The following TTLL7 variants were observed in gnomAD, a reference collection of about 807,000 sequenced individuals.
TTLL7 encodes tubulin tyrosine ligase like 7.
In TTLL7, 53 loss-of-function variants were observed where a neutral mutation model predicts 120.2. The observed-to-expected ratio is 0.44, with a 90% CI of 0.35 to 0.55. TTLL7 has a LOEUF of 0.55. Ranked by LOEUF, TTLL7 falls within the 20% of genes least tolerant of loss-of-function variation. The probability of loss-of-function intolerance (pLI) is 0.00; values close to 1 mark genes in which losing one functional copy is unlikely to be tolerated. For missense variants in TTLL7, 803 were observed against 1,054.7 expected (o/e 0.76, Z 3.31); for synonymous variants, 353 against 351.7 (o/e 1.00, Z -0.04).
In TTLL7 at chr1:83,867,047, C is replaced by A. The variant is rs367948301; in HGVS notation, c.*2915G>T. On this transcript the variant is annotated 3_prime_UTR_variant, in exon 21 of 21. Coordinates refer to ENST00000260505, the MANE Select transcript of TTLL7 (RefSeq NM_024686.6). ...AAAATATGCTTTCATTGTAAGTAAA[C>A]CCAGTTCCCCTATTAAAAACCTCTG... is the stretch of plus-strand genomic sequence containing the variant. 68 of 151,978 alleles carry A rather than the reference C, an allele frequency of 4.5e-4. No individual in the cohort carries two copies. Among genetic ancestry groups the A allele is most frequent in the African/African-American group, 1.5e-3 (64 of 41,498 alleles). The allele number at this position is 151,978 out of a possible 1,614,324, so 9.4% of individuals were successfully genotyped here.
intron 17 of TTLL7, 37 bp downstream of exon 17, chr1:83,906,291 AC>A (rs1244792781): frequency 2.6e-6 from 4 of 1,529,946 alleles, no homozygotes; most frequent in Non-Finnish European, 3.6e-6. Flanking sequence ...ATAAAAAGGT[AC>A]CAGCTCCTTG....
rs1307100415 is a variant in TTLL7, at chr1:83,866,735, AT to A, written c.*3226del. ...TTTTTACATATTTAAGGTAAATGCA[AT>A]GCTACTAAAATAAAAATTTGTTGCT... On this transcript the variant is annotated 3_prime_UTR_variant, in exon 21 of 21. Transcript: ENST00000260505. 1 of 151,950 alleles carries A rather than the reference AT, an allele frequency of 6.6e-6. No homozygotes were observed. Among genetic ancestry groups the A allele is most frequent in the East Asian group, 1.9e-4 (1 of 5,198 alleles). 9.4% of individuals were successfully genotyped at this position (151,950 alleles called of 1,614,324 possible). A position where few individuals can be genotyped will look rare whatever the true frequency, so the allele number is the denominator to read the frequency against.
chr1:83,984,772 G>GATTACTAT (rs1194417124), intron 1 of TTLL7, among the ~76,000 whole-genome samples: 1 of 152,052 alleles, frequency 6.6e-6, no homozygotes, highest in Non-Finnish European at 1.5e-5. Context: ...GGGACTACTA[G>GATTACTAT]AGAGGGGAGA....
intron 15 of TTLL7, among the ~76,000 whole-genome samples, chr1:83,909,983 A>G (rs1657537593): frequency 6.6e-6 from 1 of 152,206 alleles, no homozygotes; most frequent in Non-Finnish European, 1.5e-5. Flanking sequence ...AATAGCTTAC[A>G]AACTGTGTAA....
intron 15 of TTLL7, among the ~76,000 whole-genome samples, chr1:83,908,562 C>T (rs1247522570): frequency 6.6e-6 from 1 of 151,930 alleles, no homozygotes; most frequent in African/African-American, 2.4e-5. Context: ...AAAATATCTT[C>T]CCCAATGCAT....
intron 17 of TTLL7, 116 bp from the exon 18 acceptor site, chr1:83,904,275 A>C: frequency 1.4e-6 from 1 of 701,096 alleles, no homozygotes; most frequent in Non-Finnish European, 2.4e-6. Context: ...CTTTCATAAA[A>C]ACACATGTGC....
rs1658306765 is a variant in TTLL7 at position 83,917,700 on chromosome 1, AT to A, written c.1501-11del. ...CCAAAATATCTTCTTCCTTCAAAAA[AT>A]ATTCTAATTAAAATTACAACCACTA... On this transcript the variant is annotated splice_polypyrimidine_tract_variant and intron_variant, in intron 13 of 20. Transcript: ENST00000260505. 6.3e-7 allele frequency: 1 copy of A among 1,589,668 alleles called. No homozygotes were observed. The highest frequency in any genetic ancestry group is 8.6e-7 in the Non-Finnish European group (1 of 1,159,068).
intron 18 of TTLL7, among the ~76,000 whole-genome samples, chr1:83,894,859 C>T (rs1656077363): frequency 6.6e-6 from 1 of 152,030 alleles, no homozygotes. Flanking sequence ...TCTTTGCTTT[C>T]AGTTTTCAAG....
chr1:83,926,663 C>CA (rs1659159113), intron 10 of TTLL7, among the ~76,000 whole-genome samples: 1 of 152,158 alleles, frequency 6.6e-6, no homozygotes, highest in African/African-American at 2.4e-5. Flanking sequence ...GCTAAATGTT[C>CA]AATGGTAGGG....
intron 1 of TTLL7, among the ~76,000 whole-genome samples, chr1:83,957,178 C>A (rs950283263): frequency 1.3e-5 from 2 of 151,916 alleles, no homozygotes; most frequent in Non-Finnish European, 2.9e-5. Context: ...AAATGGCAAC[C>A]AATGAAGATA....
In TTLL7 at chr1:83,921,093, T is replaced by A; in HGVS notation, c.1358A>T (p.Asn453Ile). ...REEHENRHMG[N>I]YRRIYPPEDK... is the part of the protein sequence containing the mutation. ...AAAATAGCAGCACAGTTACCTATAA[T>A]TCCCCATATGTCGATTTTCATGTTC... The change falls in exon 12 of 21, where the codon AAT (asparagine) becomes ATT (isoleucine). Residue 453 changes from asparagine to isoleucine, a missense_variant. Around this residue, in one of 3 missense-constraint regions of TTLL7, gnomAD observed 324 missense variants for 507.7 expected, o/e 0.64. Coordinates refer to ENST00000260505, the MANE Select transcript of TTLL7 (RefSeq NM_024686.6). 3 of 1,612,412 alleles carry A rather than the reference T, an allele frequency of 1.9e-6. No homozygotes were observed. Among genetic ancestry groups the A allele is most frequent in the Non-Finnish European group, 1.7e-6 (2 of 1,179,364 alleles).
chr1:83,967,763 A>G (rs1650605835), intron 1 of TTLL7, among the ~76,000 whole-genome samples: 2 of 152,058 alleles, frequency 1.3e-5, no homozygotes, highest in South Asian at 4.1e-4. Flanking sequence ...CCCTCACTCA[A>G]AATATAACTT....
chr1:83,923,879 G>A (rs1200149318), intron 10 of TTLL7, among the ~76,000 whole-genome samples: 1 of 152,064 alleles, frequency 6.6e-6, no homozygotes, highest in Non-Finnish European at 1.5e-5. Context: ...ACTTTCTTGA[G>A]TCTTTTCCAC....
chr1:83,881,139 T>C lies in TTLL7; in HGVS notation c.2543+1824A>G, dbSNP rs1357425032. On this transcript the variant is annotated intron_variant, in intron 20 of 20. Coordinates refer to ENST00000260505, the MANE Select transcript of TTLL7 (RefSeq NM_024686.6). The stretch of plus-strand genomic sequence containing the variant: ...GTTAGACCTAAAACCATAAAAACCC[T>C]AGAAGAAAACCTAGGCAATACCATT... Among the ~76,000 whole-genome samples the C allele has an allele frequency of 6.0e-5, 9 of 151,134 alleles. No homozygotes were observed. The South Asian group carries it at 8.3e-4, about 14-fold the overall frequency.
In TTLL7 at chr1:83,933,904, C is replaced by T. The variant is rs184266674; in HGVS notation, c.889-138G>A. ...CATCTAGCCCCTGCCACTGCTCTGACTTCATTCTTCACTCTTACCCCTGCC... is the reference window on the plus strand; with the variant it reads ...CATCTAGCCCCTGCCACTGCTCTGATTTCATTCTTCACTCTTACCCCTGCC... On this transcript the variant is annotated intron_variant, in intron 8 of 20. Transcript: ENST00000260505. 68 of 722,580 alleles carry T rather than the reference C, an allele frequency of 9.4e-5. No individual in the cohort carries two copies. In the Admixed American group the frequency reaches 1.4e-3, roughly 15 times the overall value. The allele number at this position is 722,580 out of a possible 1,614,324, so 44.8% of individuals were successfully genotyped here.
At chr1:83,943,446 A>C (rs1013933766) in intron 6 of TTLL7, among the ~76,000 whole-genome samples, 1 of 152,154 alleles carries the variant, frequency 6.6e-6, no homozygotes, top group Non-Finnish European at 1.5e-5. Context: ...AGAGTTGTAA[A>C]TTATTTGTTT....
intron 18 of TTLL7, chr1:83,902,106 T>C (rs1461698966): frequency 1.3e-5 from 2 of 151,924 alleles, no homozygotes; most frequent in African/African-American, 2.4e-5. Context: ...CCTGTTAGAA[T>C]AAATGCTCTT....
Position 83,952,071 on chromosome 1 carries a change from T to G in TTLL7, c.26-95A>C. The G allele has an allele frequency of 3.3e-6, 5 of 1,514,252 alleles. No individual in the cohort carries two copies. The South Asian group carries it at 6.0e-5, about 18-fold the overall frequency. 93.8% of individuals were successfully genotyped at this position (1,514,252 alleles called of 1,614,324 possible). On this transcript the variant is annotated intron_variant, in intron 2 of 20. Coordinates refer to ENST00000260505, the MANE Select transcript of TTLL7 (RefSeq NM_024686.6). ...CCCCCACCCCACACCAAGGTAAAAT[T>G]ACAAATCCTGGTACTTTAAAAAGTC...
chr1:83,909,275 T>C (rs1657482566), intron 15 of TTLL7, among the ~76,000 whole-genome samples: 1 of 148,000 alleles, frequency 6.8e-6, no homozygotes, highest in Non-Finnish European at 1.5e-5. Context: ...TTTCCTTTTT[T>C]TTTTTTTTTT....
Sources: allele counts gnomAD v4.1 joint callset (sites outside exome capture counted in the v4.1 genomes callset), GRCh38; gene constraint gnomAD v4.1.1; regional missense constraint gnomAD v4.1.1; transcripts MANE v1.5; gene names NCBI Gene and HGNC (gene_info 2026-07-23, HGNC 2026-07-21).